TANC1: variants seen among roughly 807,000 people sequenced by gnomAD.
TANC1 encodes the protein protein TANC1.
Under a neutral mutation model 149.7 loss-of-function variants are expected in TANC1, and 77 were observed. The observed-to-expected ratio is 0.51, with a 90% CI of 0.43 to 0.62. The LOEUF is 0.62. TANC1 is among the 20% of genes least tolerant of loss of function. The probability of loss-of-function intolerance (pLI) is 0.00; values close to 1 mark genes in which losing one functional copy is unlikely to be tolerated. For missense variants in TANC1, 1,985 were observed against 2,321.8 expected, an observed-to-expected ratio of 0.85 and a Z score of 2.98; for synonymous variants, 854 against 925.0, an observed-to-expected ratio of 0.92 and a Z score of 1.39.
rs192537696 is a variant in TANC1, at chr2:159,163,211, G to A, written c.683-72G>A. The A allele has an allele frequency of 1.7e-3, 2,517 of 1,461,118 alleles. 3 individuals are homozygous for A. The highest frequency in any genetic ancestry group is 2.1e-3 in the Non-Finnish European group (2,237 of 1,069,726). The allele number at this position is 1,461,118 out of a possible 1,614,324, so 90.5% of individuals were successfully genotyped here. ...CTTTCCATTGATCCTGGGGAGGGCA[G>A]TGTGCATGTTTTAATTCTTCAGCCC... is the stretch of plus-strand genomic sequence containing the variant. On this transcript the variant is annotated intron_variant, in intron 7 of 26. Transcript: ENST00000263635.
chr2:159,199,211 T>C (rs113938083), intron 19 of TANC1, among the ~76,000 whole-genome samples, 158 bp downstream of exon 19: 1 of 152,222 alleles, frequency 6.6e-6, no homozygotes, highest in African/African-American at 2.4e-5. Context: ...TCTACATGAG[T>C]AGCAAAACTT....
intron 2 of TANC1, among the ~76,000 whole-genome samples, chr2:159,053,993 T>C (rs1431354589): frequency 1.3e-5 from 2 of 152,266 alleles, no homozygotes; most frequent in African/African-American, 2.4e-5. Flanking sequence ...TTTTTGTTTT[T>C]TTCAGGATAG....
chr2:159,230,577 A>G lies in TANC1; in HGVS notation c.5151A>G (p.Arg1717=), dbSNP rs781162953. Residue 1717 remains arginine, a synonymous_variant, in exon 27 of 27, where the codon AGA becomes AGG. Transcript: ENST00000263635. This position sits in a 1 kb window ranked among gnomAD's most constrained non-coding sequence, Gnocchi z 4.4. ...TTCAGAGCGGTACAGCTGAGCACAG[A>G]CCCCGCAACACGCCGTTCATGGGCA... The part of the protein sequence containing the change: ...THVQSGTAEH[R]PRNTPFMGIM... 3 of 1,613,980 alleles carry G rather than the reference A, an allele frequency of 1.9e-6. No individual in the cohort carries two copies. Among genetic ancestry groups the G allele is most frequent in the Admixed American group, 1.7e-5 (1 of 59,994 alleles).
chr2:159,159,982 C>T (rs1444517893), intron 7 of TANC1, among the ~76,000 whole-genome samples: 1 of 151,974 alleles, frequency 6.6e-6, no homozygotes, highest in East Asian at 1.9e-4. Flanking sequence ...ATAGTGAAAT[C>T]CCATATTATT....
chr2:159,218,632 G>A (rs1285904305), intron 20 of TANC1, among the ~76,000 whole-genome samples: 1 of 152,126 alleles, frequency 6.6e-6, no homozygotes, highest in Admixed American at 6.5e-5. Context: ...ACCCCTGTCT[G>A]GTTTTCTAGG....
At chr2:159,093,746 C>T (rs2045798116) in intron 3 of TANC1, among the ~76,000 whole-genome samples, 1 of 151,898 alleles carries the variant, frequency 6.6e-6, no homozygotes, top group South Asian at 2.1e-4. Flanking sequence ...CCCTCCCCCT[C>T]CCTCTTCTCT....
At chr2:159,017,242 G>A (rs553125815) in intron 2 of TANC1, among the ~76,000 whole-genome samples, 1 of 152,126 alleles carries the variant, frequency 6.6e-6, no homozygotes, top group Non-Finnish European at 1.5e-5. Context: ...GTTAGGCAAC[G>A]GTGGAAATCA....
At chr2:159,170,947 C>G in intron 10 of TANC1, 142 bp downstream of exon 10, 6 of 902,226 alleles carry the variant, frequency 6.7e-6, no homozygotes, top group South Asian at 5.1e-5. Context: ...GTGAAGTGAA[C>G]TGTTTCAATA....
chr2:159,085,126 CT>C (rs1373311605), intron 3 of TANC1, among the ~76,000 whole-genome samples: 1 of 152,184 alleles, frequency 6.6e-6, no homozygotes, highest in African/African-American at 2.4e-5. Flanking sequence ...AGTTCTTGCT[CT>C]GGGAAGACTG....
intron 16 of TANC1, among the ~76,000 whole-genome samples, chr2:159,189,633 A>ATGAG (rs2150650228): frequency 6.6e-6 from 1 of 152,044 alleles, no homozygotes; most frequent in African/African-American, 2.4e-5. Context: ...ATTTTTTTAG[A>ATGAG]TGAGAAAACT....
chr2:159,194,579 T>A, intron 17 of TANC1, 86 bp downstream of exon 17: 1 of 1,206,274 alleles, frequency 8.3e-7, no homozygotes, highest in Non-Finnish European at 1.2e-6. Flanking sequence ...GGCCAGACTC[T>A]CTTGTCTCTG....
intron 1 of TANC1, among the ~76,000 whole-genome samples, chr2:158,981,182 G>A (rs1279140534): frequency 6.6e-6 from 1 of 151,990 alleles, no homozygotes; most frequent in Admixed American, 6.6e-5. Flanking sequence ...GCAGCATGGT[G>A]AGTCAGACAC....
chr2:159,132,686 A>C (rs1328409193), intron 4 of TANC1, among the ~76,000 whole-genome samples: 1 of 134,628 alleles, frequency 7.4e-6, no homozygotes, highest in African/African-American at 2.8e-5. Context: ...TTAAGTAGAG[A>C]TGGGGTTTCA....
intron 2 of TANC1, among the ~76,000 whole-genome samples, chr2:159,003,314 G>A (rs1004667067): frequency 6.6e-6 from 1 of 152,190 alleles, no homozygotes; most frequent in Non-Finnish European, 1.5e-5. Flanking sequence ...GAGAGGTAGC[G>A]AAGTAGCCCT....
intron 2 of TANC1, among the ~76,000 whole-genome samples, chr2:159,059,887 T>TG (rs1491277188): frequency 1.6e-3 from 212 of 128,618 alleles, no homozygotes; most frequent in East Asian, 0.013. Context: ...AGCAGACCTC[T>TG]TTGTGTGTGT....
chr2:159,137,002 T>A (rs2050836542), intron 5 of TANC1, among the ~76,000 whole-genome samples: 1 of 152,198 alleles, frequency 6.6e-6, no homozygotes, highest in South Asian at 2.1e-4. Flanking sequence ...TGCCTTTAAT[T>A]TGGGTGTTTT....
At chr2:159,036,363 AATT>A (rs1301502074) in intron 2 of TANC1, among the ~76,000 whole-genome samples, 1 of 151,998 alleles carries the variant, frequency 6.6e-6, no homozygotes, top group East Asian at 1.9e-4. Context: ...TTTTGTAAAA[AATT>A]ATTATTATTA....
intron 7 of TANC1, among the ~76,000 whole-genome samples, chr2:159,154,407 A>T (rs557891106): frequency 1.1e-4 from 16 of 152,312 alleles, no homozygotes; most frequent in Middle Eastern, 3.4e-3. Context: ...AGAAATATAA[A>T]GTATGTGGTT....
At chr2:159,221,449 C>T (rs1319825614) in intron 22 of TANC1, among the ~76,000 whole-genome samples, 1 of 151,970 alleles carries the variant, frequency 6.6e-6, no homozygotes, top group Admixed American at 6.6e-5. Flanking sequence ...GAAGTTACTC[C>T]TCCTGTCTAA....
Sources: gnomAD v4.1 joint callset for allele counts (sites outside exome capture counted in the v4.1 genomes callset) on GRCh38, gnomAD v4.1.1 for gene constraint, Gnocchi (gnomAD v3.1) non-coding constraint, MANE v1.5 for transcripts, NCBI Gene and HGNC (gene_info 2026-07-23, HGNC 2026-07-21) for gene names.